The following C1orf21 variants were observed in gnomAD, a reference collection of about 807,000 sequenced individuals.
C1orf21 encodes uncharacterized protein C1orf21.
A neutral mutation model predicts 18.7 loss-of-function variants in C1orf21; 3 were observed. That is an observed-to-expected ratio of 0.16 (90% CI 0.07 to 0.42). The LOEUF is 0.42. C1orf21 is among the 10% of genes least tolerant of loss of function. The probability of loss-of-function intolerance (pLI) is 0.99; values close to 1 mark genes in which losing one functional copy is unlikely to be tolerated. For missense variants in C1orf21, 104 were observed against 143.6 expected (o/e 0.72, Z 1.41); for synonymous variants, 41 against 46.4 (o/e 0.88, Z 0.47).
At chr1:184,529,645 A>G (rs1443548738) in intron 3 of C1orf21, among the ~76,000 whole-genome samples, 1 of 152,216 alleles carries the variant, frequency 6.6e-6, no homozygotes, top group Non-Finnish European at 1.5e-5. Context: ...GATAGGAGCA[A>G]CGACAGATAA....
intron 1 of C1orf21, among the ~76,000 whole-genome samples, chr1:184,388,092 C>T (rs918321432): frequency 5.9e-5 from 9 of 152,342 alleles, no homozygotes; most frequent in African/African-American, 2.2e-4. Context: ...GGTTAATGTC[C>T]TTTCCCTATC....
chr1:184,470,655 G>A (rs778310127), intron 1 of C1orf21, among the ~76,000 whole-genome samples: 1 of 152,194 alleles, frequency 6.6e-6, no homozygotes, highest in Non-Finnish European at 1.5e-5. Context: ...AAGATGGGAA[G>A]ATCACTTGAG....
chr1:184,588,239 A>G (rs1558009227), intron 3 of C1orf21, among the ~76,000 whole-genome samples: 1 of 152,258 alleles, frequency 6.6e-6, no homozygotes, highest in Admixed American at 6.5e-5. Context: ...AATAACTGAC[A>G]GTATCTCTTG....
intron 1 of C1orf21, among the ~76,000 whole-genome samples, chr1:184,404,082 A>T (rs192565064): frequency 6.6e-6 from 1 of 152,360 alleles, no homozygotes; most frequent in Non-Finnish European, 1.5e-5. Flanking sequence ...ATAATAGCCC[A>T]TGAAGAATTA....
intron 1 of C1orf21, among the ~76,000 whole-genome samples, chr1:184,466,835 T>C (rs1282681696): frequency 6.6e-6 from 1 of 152,198 alleles, no homozygotes; most frequent in African/African-American, 2.4e-5. Flanking sequence ...GTTGTCTTAC[T>C]TATTTTGGAA....
At chr1:184,390,152 A>C (rs1655948909) in intron 1 of C1orf21, among the ~76,000 whole-genome samples, 1 of 152,248 alleles carries the variant, frequency 6.6e-6, no homozygotes, top group African/African-American at 2.4e-5. Context: ...CCAGCTTCTT[A>C]GAACCAAATA....
At chr1:184,412,993 T>G (rs1055594148) in intron 1 of C1orf21, among the ~76,000 whole-genome samples, 11 of 152,218 alleles carry the variant, frequency 7.2e-5, no homozygotes, top group Admixed American at 6.5e-4. Context: ...ATAATTCTGT[T>G]TTGATGACTG....
chr1:184,508,882 A>G (rs1482277155), intron 3 of C1orf21, among the ~76,000 whole-genome samples: 3 of 152,230 alleles, frequency 2.0e-5, no homozygotes, highest in Admixed American at 6.5e-5. Flanking sequence ...ATGACTAAAT[A>G]CTAAAAGTTA....
chr1:184,445,645 G>T (rs1391514038), intron 1 of C1orf21, among the ~76,000 whole-genome samples: 2 of 152,044 alleles, frequency 1.3e-5, no homozygotes, highest in Non-Finnish European at 2.9e-5. Context: ...TTCTTTTGAG[G>T]CAGGGACAGG....
At chr1:184,572,771 G>C (rs564510379) in intron 3 of C1orf21, among the ~76,000 whole-genome samples, 1 of 152,100 alleles carries the variant, frequency 6.6e-6, no homozygotes, top group Non-Finnish European at 1.5e-5. Context: ...GACCAACATG[G>C]TGAAACCCCA....
chr1:184,600,779 C>CA (rs1558012065), intron 5 of C1orf21, among the ~76,000 whole-genome samples: 1 of 152,172 alleles, frequency 6.6e-6, no homozygotes, highest in Non-Finnish European at 1.5e-5. Context: ...TAGATTCTTA[C>CA]AGGCAATTTT....
chr1:184,528,956 A>T (rs921658794), intron 3 of C1orf21, among the ~76,000 whole-genome samples: 15 of 152,158 alleles, frequency 9.9e-5, no homozygotes, highest in Admixed American at 4.6e-4. Context: ...ATTGATGAAT[A>T]TGAATCGTTT....
At chr1:184,493,152 G>A (rs1247587949) in intron 2 of C1orf21, among the ~76,000 whole-genome samples, 1 of 152,106 alleles carries the variant, frequency 6.6e-6, no homozygotes, top group East Asian at 1.9e-4. Context: ...AATAAAAATG[G>A]TCTTTGACAG....
At chr1:184,415,498 G>A (rs1191945461) in intron 1 of C1orf21, among the ~76,000 whole-genome samples, 1 of 152,146 alleles carries the variant, frequency 6.6e-6, no homozygotes, top group Non-Finnish European at 1.5e-5. Flanking sequence ...GAGGTGGTCT[G>A]TGAGCCACAT....
chr1:184,417,616 A>C (rs572183879), intron 1 of C1orf21, among the ~76,000 whole-genome samples: 6 of 152,338 alleles, frequency 3.9e-5, no homozygotes, highest in African/African-American at 1.4e-4. Context: ...TGCATCTTTA[A>C]ACTCAAAATA....
At chr1:184,561,312 G>A (rs1353540906) in intron 3 of C1orf21, among the ~76,000 whole-genome samples, 2 of 152,186 alleles carry the variant, frequency 1.3e-5, no homozygotes, top group African/African-American at 4.8e-5. Context: ...TGGAGCCAGG[G>A]AAGGATACCT....
chr1:184,428,728 T>C lies in C1orf21; in HGVS notation c.-125+41360T>C, dbSNP rs747703907. ...CTTGGGTCTAGGATGTTTCCATAGG[T>C]CTGTGGAAAGTCTGTGGCACACTGG... On this transcript the variant is annotated intron_variant, in intron 1 of 5. Transcript: ENST00000235307. Among the ~76,000 whole-genome samples, 160 of 152,260 alleles carry C rather than the reference T, an allele frequency of 1.1e-3. 2 individuals are homozygous for C. The highest frequency in any genetic ancestry group is 3.4e-4 in the Non-Finnish European group (23 of 68,012).
chr1:184,457,475 T>A (rs916320100), intron 1 of C1orf21, among the ~76,000 whole-genome samples: 2 of 151,858 alleles, frequency 1.3e-5, no homozygotes, highest in Admixed American at 6.6e-5. Flanking sequence ...ATATATATAT[T>A]TTTACATAGA....
At chr1:184,505,340 TACACACATGCC>T (rs1557989070) in intron 2 of C1orf21, among the ~76,000 whole-genome samples, 77 of 118,512 alleles carry the variant, frequency 6.5e-4, no homozygotes, top group African/African-American at 1.0e-3. Context: ...TATATATATA[TACACACATGCC>T]ATATATATAT....
Sources: allele counts gnomAD v4.1 joint callset (sites outside exome capture counted in the v4.1 genomes callset), GRCh38; gene constraint gnomAD v4.1.1; transcripts MANE v1.5; gene names NCBI Gene and HGNC (gene_info 2026-07-23, HGNC 2026-07-21).